Variants in IFNAR2 observed in about 807,000 individuals in gnomAD.
IFNAR2 encodes the protein interferon alpha and beta receptor subunit 2, also known as interferon alpha/beta receptor 2.
A neutral mutation model predicts 49.4 loss-of-function variants in IFNAR2; 30 were observed. The observed-to-expected ratio is 0.61, with a 90% CI of 0.45 to 0.82. The LOEUF (loss-of-function observed/expected upper bound fraction) is 0.82, where lower values mean the gene tolerates loss of function less well. IFNAR2 is among the 40% of genes least tolerant of loss of function. The pLI, the probability that IFNAR2 is intolerant of heterozygous loss-of-function variation, is 0.00. For synonymous variants in IFNAR2, 224 were observed against 234.5 expected (o/e 0.96, Z 0.41); for missense variants, 600 against 622.7 (o/e 0.96, Z 0.39).
intron 4 of IFNAR2, among the ~76,000 whole-genome samples, chr21:33,245,584 C>T (rs371500430): frequency 6.6e-6 from 1 of 152,244 alleles, no homozygotes; most frequent in East Asian, 1.9e-4. Flanking sequence ...TTGGCACGGA[C>T]CTCAGCCCCT....
At chr21:33,244,269 G>A (rs1405777090) in intron 3 of IFNAR2, among the ~76,000 whole-genome samples, 6 of 152,146 alleles carry the variant, frequency 3.9e-5, no homozygotes, top group Non-Finnish European at 5.9e-5. Context: ...ACCGTATAAG[G>A]CAGAATTTGG....
chr21:33,230,617 C>G lies in IFNAR2; in HGVS notation c.-84+401C>G, dbSNP rs772105249. 1.1e-5 allele frequency: 5 copies of G among 469,808 alleles called. No individual in the cohort carries two copies. The highest frequency in any genetic ancestry group is 3.1e-5 in the South Asian group (2 of 64,398). The allele number at this position is 469,808 out of a possible 1,614,324, so 29.1% of individuals were successfully genotyped here. ...CCAGGTCCACCCCGCCTTGCAAAAC[C>G]GGCTCACCAGCTGGGTGCTCAGGTT... On this transcript the variant is annotated intron_variant, in intron 1 of 8. Transcript: ENST00000342136. This position sits in a 1 kb window ranked among gnomAD's most constrained non-coding sequence, Gnocchi z 5.5.
In IFNAR2 at chr21:33,246,797, A is replaced by C. The variant is rs1987447210; in HGVS notation, c.301A>C (p.Ser101Arg). The C allele has an allele frequency of 6.2e-7, 1 of 1,613,788 alleles. No individual in the cohort carries two copies. Among genetic ancestry groups the C allele is most frequent in the African/African-American group, 1.3e-5 (1 of 74,936 alleles). Residue 101 changes from serine (S) to arginine (R), a missense_variant, in exon 5 of 9, where the codon AGC becomes CGC. Coordinates refer to ENST00000342136, the MANE Select transcript of IFNAR2 (RefSeq NM_001289125.3). The part of the protein sequence containing the change: ...SFCDLTDEWR[S>R]THEAYVTVLE... ...TTGTGACCTCACAGATGAGTGGAGAAGCACACACGAGGCCTATGTCACCGT... is the reference window on the plus strand; with the variant it reads ...TTGTGACCTCACAGATGAGTGGAGACGCACACACGAGGCCTATGTCACCGT...
rs570560821 is a variant in IFNAR2 at position 33,241,011 on chromosome 21, A to G, written c.-83-829A>G. On this transcript the variant is annotated intron_variant, in intron 1 of 8. Transcript: ENST00000342136. ...ATGTGCACACATTGACATATATATA[A>G]TGTGGAATGATAGTCATTACTGACT... Among the ~76,000 whole-genome samples, 153 of 152,222 alleles carry G rather than the reference A, an allele frequency of 1.0e-3. 1 individual carries two copies. Among genetic ancestry groups the G allele is most frequent in the African/African-American group, 3.6e-3 (149 of 41,514 alleles).
In IFNAR2 at chr21:33,245,047, A is replaced by C. The variant is rs769356115; in HGVS notation, c.194A>C (p.His65Pro). The change falls in exon 4 of 9, where the codon CAC becomes CCC. Residue 65 changes from histidine to proline, a missense_variant. By Grantham distance (77) the His-to-Pro change is moderately conservative. Transcript: ENST00000342136. ...ELKNHSIVPT[H>P]YTLLYTIMSK... ...AAAAACCACTCCATTGTACCAACTC[A>C]CTATACATTGCTGTATACAATCATG... The C allele has an allele frequency of 2.7e-5, 44 of 1,610,248 alleles. No individual in the cohort carries two copies. The highest frequency in any genetic ancestry group is 1.9e-5 in the Non-Finnish European group (22 of 1,176,598).
At chr21:33,233,876 G>T (rs1258547584) in intron 1 of IFNAR2, among the ~76,000 whole-genome samples, 2 of 151,372 alleles carry the variant, frequency 1.3e-5, no homozygotes, top group Non-Finnish European at 2.9e-5. Context: ...GATAGAATGC[G>T]ATTGTTATTA....
At chr21:33,244,244 A>T (rs17860183) in intron 3 of IFNAR2, among the ~76,000 whole-genome samples, 22,574 of 152,228 alleles carry the variant, frequency 0.15, 1,767 homozygotes, top group Admixed American at 0.2. Context: ...AACTTCAGTG[A>T]TCTTTAAAAA....
intron 7 of IFNAR2, among the ~76,000 whole-genome samples, chr21:33,255,326 A>G (rs1489261979): frequency 6.6e-6 from 1 of 152,194 alleles, no homozygotes; most frequent in Non-Finnish European, 1.5e-5. Context: ...TCAGTCCCAC[A>G]AAACTGCCTG....
At chr21:33,238,223 TG>T (rs1309017667) in intron 1 of IFNAR2, among the ~76,000 whole-genome samples, 1 of 152,222 alleles carries the variant, frequency 6.6e-6, no homozygotes, top group Non-Finnish European at 1.5e-5. Context: ...CTTTGTCTCC[TG>T]GCAGTCAACT....
chr21:33,249,250 A>T (rs17860259), intron 6 of IFNAR2, among the ~76,000 whole-genome samples: 1,773 of 151,242 alleles, frequency 0.012, 30 homozygotes, highest in Non-Finnish European at 0.014. Flanking sequence ...AGGCTGAGGC[A>T]GGATAATCGC....
intron 5 of IFNAR2, among the ~76,000 whole-genome samples, chr21:33,247,720 AAC>A (rs1300595225): frequency 1.3e-5 from 2 of 152,220 alleles, no homozygotes; most frequent in Non-Finnish European, 2.9e-5. Flanking sequence ...TCAGTTCCCT[AAC>A]ACACTGTGTT....
At chr21:33,256,972 C>G (rs974776274) in intron 7 of IFNAR2, among the ~76,000 whole-genome samples, 5 of 152,024 alleles carry the variant, frequency 3.3e-5, no homozygotes, top group African/African-American at 1.2e-4. Flanking sequence ...AGAAGCAGAG[C>G]CTGGGATGTG....
In IFNAR2 at chr21:33,246,464, G is replaced by A. The variant is rs531993531; in HGVS notation, c.222-254G>A. ...TCCTGGAGCAGACATTATGTAAATG[G>A]AGACATCAGTAAACAAAGGTATAAT... On this transcript the variant is annotated intron_variant, in intron 4 of 8. Transcript: ENST00000342136. 4.6e-5 allele frequency among the ~76,000 whole-genome samples: 7 copies of A among 152,300 alleles called. No individual in the cohort carries two copies. The East Asian group carries it at 1.4e-3, about 29-fold the overall frequency.
At chr21:33,251,642 G>A (rs1364093738) in intron 6 of IFNAR2, 2 of 985,222 alleles carry the variant, frequency 2.0e-6, no homozygotes, top group African/African-American at 3.5e-5. Context: ...TGAGCTGCTA[G>A]GAATCCTCAT....
At position 33,242,728 on chromosome 21, in the gene IFNAR2, C is replaced by CAAAAAAAA. The variant is rs1182507309; in HGVS notation, c.55+764_55+771dup. ...AGCCTGACAGAGCAAGACTCTGTCT[C>CAAAAAAAA]AAAAAAAAAAAAAAAAAAAATCTCG... On this transcript the variant is annotated intron_variant, in intron 2 of 8. Coordinates refer to ENST00000342136, the MANE Select transcript of IFNAR2 (RefSeq NM_001289125.3). 1.0e-4 allele frequency among the ~76,000 whole-genome samples: 5 copies of CAAAAAAAA among 48,578 alleles called. 1 individual carries two copies. Among genetic ancestry groups the CAAAAAAAA allele is most frequent in the Non-Finnish European group, 1.5e-4 (4 of 27,076 alleles). The allele number at this position is 48,578 out of a possible 152,430, so 31.9% of individuals were successfully genotyped here. A position where few individuals can be genotyped will look rare whatever the true frequency, so the allele number is the denominator to read the frequency against.
chr21:33,239,361 T>TG (rs1378891344), intron 1 of IFNAR2, among the ~76,000 whole-genome samples: 1 of 152,240 alleles, frequency 6.6e-6, no homozygotes, highest in African/African-American at 2.4e-5. Flanking sequence ...AGTGGTCTCA[T>TG]GTCATAGCTG....
chr21:33,243,436 G>T (rs1473431043), intron 2 of IFNAR2, among the ~76,000 whole-genome samples: 1 of 152,158 alleles, frequency 6.6e-6, no homozygotes, highest in African/African-American at 2.4e-5. Context: ...CGTACATATT[G>T]TTGTTAGTGT....
At chr21:33,252,153 C>T in intron 6 of IFNAR2, 2 of 470,348 alleles carry the variant, frequency 4.3e-6, no homozygotes, top group South Asian at 3.1e-5. Context: ...AGATGAGAAA[C>T]TAGACATCAG....
intron 1 of IFNAR2, among the ~76,000 whole-genome samples, chr21:33,232,500 A>C (rs572071255): frequency 2.0e-4 from 30 of 152,258 alleles, no homozygotes; most frequent in African/African-American, 6.7e-4. Flanking sequence ...GTACGTGGAG[A>C]TATCCATCAG....
Sources: gnomAD v4.1 joint callset for allele counts (sites outside exome capture counted in the v4.1 genomes callset) on GRCh38, gnomAD v4.1.1 for gene constraint, Gnocchi (gnomAD v3.1) non-coding constraint, MANE v1.5 for transcripts, NCBI Gene and HGNC (gene_info 2026-07-23, HGNC 2026-07-21) for gene names.